Variants in SPECC1 observed in about 807,000 individuals in gnomAD.
The protein encoded by SPECC1 is sperm antigen with calponin homology and coiled-coil domains 1.
Under a neutral mutation model 104.1 loss-of-function variants are expected in SPECC1, and 62 were observed. The ratio of observed to expected loss-of-function variants is 0.60; its 90% CI spans 0.49 to 0.74. The LOEUF (loss-of-function observed/expected upper bound fraction) is 0.74, where lower values mean the gene tolerates loss of function less well. Ranked by LOEUF, SPECC1 falls within the 30% of genes least tolerant of loss-of-function variation. The probability of loss-of-function intolerance (pLI) is 0.00; values close to 1 mark genes in which losing one functional copy is unlikely to be tolerated. For missense variants in SPECC1, 1,306 were observed against 1,310.5 expected, an observed-to-expected ratio of 1.00 and a Z score of 0.05; for synonymous variants, 513 against 501.6, an observed-to-expected ratio of 1.02 and a Z score of -0.30.
chr17:20,184,480 A>G (rs561479579), intron 3 of SPECC1, among the ~76,000 whole-genome samples: 2 of 152,276 alleles, frequency 1.3e-5, no homozygotes, highest in Non-Finnish European at 2.9e-5. Context: ...TAGAAACAGC[A>G]TGTATTGTTT....
intron 3 of SPECC1, among the ~76,000 whole-genome samples, chr17:20,129,187 TTTTG>T (rs2049473539): frequency 6.6e-6 from 1 of 151,680 alleles, no homozygotes; most frequent in East Asian, 1.9e-4. Flanking sequence ...TTTTGTTTTT[TTTTG>T]TTTTTTTTTT....
chr17:20,049,442 T>G (rs1467924720), intron 1 of SPECC1, among the ~76,000 whole-genome samples: 1 of 152,212 alleles, frequency 6.6e-6, no homozygotes, highest in Non-Finnish European at 1.5e-5. Flanking sequence ...AAAGTCAGTC[T>G]GAGCATCTTA....
intron 4 of SPECC1, among the ~76,000 whole-genome samples, chr17:20,213,069 G>A (rs918379426): frequency 3.3e-5 from 5 of 151,776 alleles, no homozygotes; most frequent in African/African-American, 1.2e-4. Flanking sequence ...TTCAAAGTTG[G>A]GTCTGACCTT....
chr17:20,096,713 G>T lies in SPECC1; in HGVS notation c.62G>T (p.Arg21Leu). The T allele has an allele frequency of 6.2e-7, 1 of 1,614,226 alleles. No homozygotes were observed. Among genetic ancestry groups the T allele is most frequent in the Non-Finnish European group, 8.5e-7 (1 of 1,180,020 alleles). Reference protein sequence around the residue: ...AIRAGGHGPDRVRPLPAASSG... With the variant: ...AIRAGGHGPDLVRPLPAASSG... The stretch of plus-strand genomic sequence containing the variant: ...AGAGCAGGGGGCCACGGCCCAGACC[G>T]GGTGCGGCCTCTGCCTGCAGCCTCT... The change falls in exon 2 of 15, where the codon CGG (arginine) becomes CTG (leucine). Residue 21 changes from arginine (R) to leucine (L), a missense_variant. By Grantham distance (102) the Arg-to-Leu change is moderately radical. Coordinates refer to ENST00000395527, the MANE Select transcript of SPECC1 (RefSeq NM_001243439.2).
intron 1 of SPECC1, among the ~76,000 whole-genome samples, chr17:20,055,264 CT>C (rs34705944): frequency 0.53 from 77,827 of 148,044 alleles, 20,461 homozygotes; most frequent in Middle Eastern, 0.61. Flanking sequence ...ATAGAATTTC[CT>C]TTTTTTTTTT....
intron 3 of SPECC1, among the ~76,000 whole-genome samples, chr17:20,189,365 G>C (rs2035499647): frequency 6.6e-6 from 1 of 152,162 alleles, no homozygotes; most frequent in Admixed American, 6.5e-5. Context: ...AGAATTCTGG[G>C]ACGAAGCGCT....
intron 12 of SPECC1, among the ~76,000 whole-genome samples, chr17:20,280,267 A>G (rs1200263665): frequency 1.3e-5 from 2 of 152,220 alleles, no homozygotes; most frequent in South Asian, 2.1e-4. Flanking sequence ...CGTGACCGAC[A>G]TTGTCTAAGT....
At chr17:20,146,328 C>T (rs959208202) in intron 3 of SPECC1, among the ~76,000 whole-genome samples, 1 of 152,120 alleles carries the variant, frequency 6.6e-6, no homozygotes, top group Non-Finnish European at 1.5e-5. Flanking sequence ...CTTTTCAGAC[C>T]GGCTTCTTTC....
At chr17:20,278,857 T>A (rs1278818340) in intron 12 of SPECC1, among the ~76,000 whole-genome samples, 1 of 152,178 alleles carries the variant, frequency 6.6e-6, no homozygotes, top group Non-Finnish European at 1.5e-5. Flanking sequence ...TTTTGCCAGC[T>A]TCAGGAAGGA....
chr17:20,317,169 CTT>C lies in SPECC1; in HGVS notation c.*3106_*3107del, dbSNP rs2042051409. On this transcript the variant is annotated 3_prime_UTR_variant, in exon 15 of 15. Coordinates refer to ENST00000395527, the MANE Select transcript of SPECC1 (RefSeq NM_001243439.2). Reference sequence around the variant, plus strand: ...GTGGCTCATGCCTATAATCCCAGCACTTTGGGAGGCTGAGGTGGGAGGATTGC... The same window carrying C: ...GTGGCTCATGCCTATAATCCCAGCACTGGGAGGCTGAGGTGGGAGGATTGC... The C allele has an allele frequency of 5.8e-6, 1 of 173,858 alleles. No individual in the cohort carries two copies. Among genetic ancestry groups the C allele is most frequent in the African/African-American group, 2.4e-5 (1 of 41,472 alleles). The allele number at this position is 173,858 out of a possible 1,614,324, so 10.8% of individuals were successfully genotyped here.
At chr17:20,060,639 G>C (rs1460722150) in intron 1 of SPECC1, among the ~76,000 whole-genome samples, 1 of 152,162 alleles carries the variant, frequency 6.6e-6, no homozygotes, top group East Asian at 1.9e-4. Flanking sequence ...TTAACTGCCT[G>C]GGTGGTACAT....
At chr17:20,279,323 C>CTTTT (rs548300449) in intron 12 of SPECC1, among the ~76,000 whole-genome samples, 1 of 113,732 alleles carries the variant, frequency 8.8e-6, no homozygotes, top group Non-Finnish European at 1.9e-5. Flanking sequence ...TTTTTTTTTT[C>CTTTT]TTTTTTTTTT....
intron 1 of SPECC1, among the ~76,000 whole-genome samples, chr17:20,094,566 A>G (rs1162562522): frequency 6.6e-6 from 1 of 152,304 alleles, no homozygotes. Flanking sequence ...GTGGGCAATA[A>G]ATAAAAGGCA....
At chr17:20,260,559 A>G (rs2039989865) in intron 12 of SPECC1, among the ~76,000 whole-genome samples, 1 of 152,228 alleles carries the variant, frequency 6.6e-6, no homozygotes, top group African/African-American at 2.4e-5. Context: ...TCCCGAGGGA[A>G]GGGGACCTTT....
At chr17:20,216,998 A>G (rs1009171277) in intron 4 of SPECC1, among the ~76,000 whole-genome samples, 1 of 151,534 alleles carries the variant, frequency 6.6e-6, no homozygotes, top group Non-Finnish European at 1.5e-5. Context: ...TAAAAAAAAG[A>G]AAAAAAAATC....
At chr17:20,272,109 A>G (rs1019627757) in intron 12 of SPECC1, among the ~76,000 whole-genome samples, 1 of 152,048 alleles carries the variant, frequency 6.6e-6, no homozygotes, top group Non-Finnish European at 1.5e-5. Flanking sequence ...CTATCATGCT[A>G]GGCACTCACT....
intron 13 of SPECC1, among the ~76,000 whole-genome samples, chr17:20,298,581 CTCTGGTTT>C (rs2041433617): frequency 6.6e-6 from 1 of 152,138 alleles, no homozygotes; most frequent in African/African-American, 2.4e-5. Context: ...TTCCCCACAG[CTCTGGTTT>C]GGCCTCACCC....
At chr17:20,282,080 T>G (rs2040789803) in intron 12 of SPECC1, among the ~76,000 whole-genome samples, 1 of 152,262 alleles carries the variant, frequency 6.6e-6, no homozygotes, top group African/African-American at 2.4e-5. Flanking sequence ...CGCAGGCCCA[T>G]GCTTGCAAGG....
chr17:20,032,930 A>G (rs28410781), intron 1 of SPECC1, among the ~76,000 whole-genome samples: 10,317 of 150,662 alleles, frequency 0.068, 963 homozygotes, highest in African/African-American at 0.21. Flanking sequence ...ATATACACAC[A>G]CGCGCGCACA....
Sources: gnomAD v4.1 joint callset for allele counts (sites outside exome capture counted in the v4.1 genomes callset) on GRCh38, gnomAD v4.1.1 for gene constraint, MANE v1.5 for transcripts, NCBI Gene and HGNC (gene_info 2026-07-23, HGNC 2026-07-21) for gene names.